Variants in GREB1L observed in about 807,000 individuals in gnomAD.
The protein encoded by GREB1L is GREB1 like retinoic acid receptor coactivator, also known as GREB1-like protein.
Under a neutral mutation model 200.8 loss-of-function variants are expected in GREB1L, and 17 were observed. The observed-to-expected ratio is 0.08, with a 90% CI of 0.06 to 0.13. The LOEUF (loss-of-function observed/expected upper bound fraction) is 0.13, where lower values mean the gene tolerates loss of function less well. Among genes scored for constraint, GREB1L ranks in the 10% least tolerant of loss-of-function variants. The pLI, the probability that GREB1L is intolerant of heterozygous loss-of-function variation, is 1.00. For missense variants in GREB1L, 1,657 were observed against 2,367.7 expected, an observed-to-expected ratio of 0.70 and a Z score of 6.23; for synonymous variants, 789 against 893.0, an observed-to-expected ratio of 0.88 and a Z score of 2.08.
intron 7 of GREB1L, among the ~76,000 whole-genome samples, chr18:21,425,744 T>C (rs73425725): frequency 1.6e-3 from 246 of 152,314 alleles, no homozygotes; most frequent in African/African-American, 5.6e-3. Flanking sequence ...GTTGACTCTT[T>C]ATTGATTTAC....
chr18:21,486,730 A>G (rs1298957867), intron 18 of GREB1L, among the ~76,000 whole-genome samples: 2 of 152,196 alleles, frequency 1.3e-5, no homozygotes, highest in Admixed American at 6.5e-5. Flanking sequence ...AGGTAGGTAG[A>G]GACATTAGAA....
At chr18:21,404,118 T>A in intron 7 of GREB1L, 124 bp downstream of exon 7, 1 of 865,444 alleles carries the variant, frequency 1.2e-6, no homozygotes, top group Non-Finnish European at 1.7e-6. Context: ...ATTACTTGAG[T>A]TACTATTAGA....
chr18:21,280,578 T>TTA (rs2038252217), intron 1 of GREB1L, among the ~76,000 whole-genome samples: 1 of 152,186 alleles, frequency 6.6e-6, no homozygotes, highest in African/African-American at 2.4e-5. Context: ...GTATATGTAT[T>TTA]TATATCTACT....
At chr18:21,250,550 T>A (rs1177281459) in intron 1 of GREB1L, among the ~76,000 whole-genome samples, 3 of 152,242 alleles carry the variant, frequency 2.0e-5, no homozygotes, top group Non-Finnish European at 4.4e-5. Flanking sequence ...ATTTTAGTTA[T>A]TTTTAGAGCA....
At chr18:21,510,719 G>C (rs961632207) in intron 27 of GREB1L, among the ~76,000 whole-genome samples, 3 of 152,142 alleles carry the variant, frequency 2.0e-5, no homozygotes, top group Middle Eastern at 3.2e-3. Context: ...GAGATTGCTA[G>C]ATCATGTGGC....
intron 1 of GREB1L, among the ~76,000 whole-genome samples, chr18:21,326,476 A>G (rs757945029): frequency 3.9e-5 from 6 of 152,200 alleles, no homozygotes; most frequent in Non-Finnish European, 7.3e-5. Context: ...AGACACCGAT[A>G]GCCGGTCGCT....
intron 20 of GREB1L, 122 bp downstream of exon 20, chr18:21,495,907 T>A (rs2036526136): frequency 1.7e-6 from 1 of 577,138 alleles, no homozygotes; most frequent in Non-Finnish European, 3.0e-6. Context: ...GATTGTTTAA[T>A]GCAGGGATAC....
At chr18:21,510,151 C>T (rs898627306) in intron 27 of GREB1L, among the ~76,000 whole-genome samples, 4 of 148,586 alleles carry the variant, frequency 2.7e-5, no homozygotes, top group East Asian at 2.0e-4. Context: ...GAGCTGGTGG[C>T]GGCAGTGAGC....
intron 4 of GREB1L, among the ~76,000 whole-genome samples, chr18:21,389,448 C>T (rs555811628): frequency 6.9e-6 from 1 of 145,288 alleles, no homozygotes; most frequent in African/African-American, 2.6e-5. Flanking sequence ...TCATAGAATA[C>T]AGTAATTGTT....
At chr18:21,423,666 C>A (rs1407866044) in intron 7 of GREB1L, among the ~76,000 whole-genome samples, 1 of 152,222 alleles carries the variant, frequency 6.6e-6, no homozygotes, top group South Asian at 2.1e-4. Flanking sequence ...TTGAGACCAG[C>A]CTGGGCAACA....
At chr18:21,288,046 GCCCACCTTA>G (rs1300817679) in intron 1 of GREB1L, among the ~76,000 whole-genome samples, 2 of 151,892 alleles carry the variant, frequency 1.3e-5, no homozygotes, top group African/African-American at 4.8e-5. Context: ...CTCATGATCT[GCCCACCTTA>G]GCCTCCCATA....
At chr18:21,395,105 C>CAAAAAAA (rs372663303) in intron 4 of GREB1L, among the ~76,000 whole-genome samples, 1 of 64,064 alleles carries the variant, frequency 1.6e-5, no homozygotes, top group Non-Finnish European at 3.4e-5. Context: ...GACTCCATCT[C>CAAAAAAA]AAAAAAAAAA....
intron 7 of GREB1L, among the ~76,000 whole-genome samples, chr18:21,422,875 A>G (rs1248868773): frequency 3.9e-5 from 6 of 152,144 alleles, no homozygotes; most frequent in Non-Finnish European, 7.4e-5. Context: ...GAGGCTCACT[A>G]ATTGAGTTTA....
Position 21,384,251 on chromosome 18 carries a change from G to A in GREB1L, c.203G>A (p.Arg68His), listed in dbSNP as rs370589003. 5.4e-5 allele frequency: 83 copies of A among 1,551,158 alleles called. No individual in the cohort carries two copies. The highest frequency in any genetic ancestry group is 6.8e-5 in the African/African-American group (5 of 73,000). Residue 68 changes from arginine to histidine, a missense_variant, in exon 4 of 33, where the codon CGC becomes CAC. Physicochemically the swap from Arg to His is conservative, Grantham distance 29. Transcript: ENST00000424526. ...GATCTGGACAAAGATTTGGTAAACC[G>A]CTACACTCAAAATGGAAGTCTGGAT... ...VEDLDKDLVN[R>H]YTQNGSLDFS... is the part of the protein sequence containing the mutation.
intron 4 of GREB1L, among the ~76,000 whole-genome samples, chr18:21,388,184 C>T (rs1273618125): frequency 6.6e-6 from 1 of 152,214 alleles, no homozygotes; most frequent in East Asian, 1.9e-4. Context: ...TTCCTATTCT[C>T]TTCTTAATTA....
intron 1 of GREB1L, among the ~76,000 whole-genome samples, chr18:21,281,004 G>GTA (rs2038259959): frequency 6.6e-6 from 1 of 152,122 alleles, no homozygotes; most frequent in Admixed American, 6.6e-5. Flanking sequence ...TCAGCTTTCA[G>GTA]TATATACAAT....
intron 7 of GREB1L, among the ~76,000 whole-genome samples, chr18:21,434,761 A>G (rs1380646145): frequency 6.6e-6 from 1 of 152,032 alleles, no homozygotes; most frequent in African/African-American, 2.4e-5. Context: ...ACTTCTAGTG[A>G]GTGTTTGTTA....
intron 1 of GREB1L, among the ~76,000 whole-genome samples, chr18:21,321,456 G>A (rs140350295): frequency 0.013 from 2,023 of 151,802 alleles, 41 homozygotes; most frequent in African/African-American, 0.046. Flanking sequence ...AGGCTGAGGC[G>A]GGTGAATCAC....
intron 1 of GREB1L, among the ~76,000 whole-genome samples, chr18:21,281,708 A>G (rs368508765): frequency 3.3e-5 from 5 of 152,290 alleles, no homozygotes; most frequent in Non-Finnish European, 7.3e-5. Context: ...TGTCTCAAAG[A>G]TACAATTATT....
Sources: allele counts gnomAD v4.1 joint callset (sites outside exome capture counted in the v4.1 genomes callset), GRCh38; gene constraint gnomAD v4.1.1; transcripts MANE v1.5; gene names NCBI Gene and HGNC (gene_info 2026-07-23, HGNC 2026-07-21).